TREH: variants seen among roughly 807,000 people sequenced by gnomAD.
TREH encodes the protein trehalase, also known as alpha,alpha-trehalose glucohydrolase.
A neutral mutation model predicts 80.5 loss-of-function variants in TREH; 69 were observed. The observed-to-expected ratio is 0.86, with a 90% CI of 0.71 to 1.05. The LOEUF (loss-of-function observed/expected upper bound fraction) is 1.05. Ranked by LOEUF, TREH falls within the 50% of genes least tolerant of loss-of-function variation. The probability of loss-of-function intolerance (pLI) is 0.00; values close to 1 mark genes in which losing one functional copy is unlikely to be tolerated. For missense variants in TREH, 716 were observed against 718.8 expected (o/e 1.00, Z 0.04); for synonymous variants, 309 against 293.5 (o/e 1.05, Z -0.54).
chr11:118,659,040 C>G, intron 12 of TREH, 23 bp from the exon 13 acceptor site: 1 of 1,609,132 alleles, frequency 6.2e-7, no homozygotes, highest in Non-Finnish European at 8.5e-7. Flanking sequence ...GCAGGCAGGA[C>G]TCAACCTCCA....
intron 13 of TREH, 49 bp downstream of exon 13, chr11:118,658,856 T>G (rs1591826449): frequency 1.2e-6 from 2 of 1,609,106 alleles, no homozygotes; most frequent in South Asian, 1.1e-5. Flanking sequence ...TGCTCAGGAG[T>G]GGCCACTGGG....
chr11:118,658,899 G>T lies in TREH; in HGVS notation c.1545+6C>A. 6.2e-7 allele frequency: 1 copy of T among 1,613,758 alleles called. No individual in the cohort carries two copies. Among genetic ancestry groups the T allele is most frequent in the South Asian group, 1.1e-5 (1 of 91,088 alleles). On this transcript the variant is annotated splice_donor_region_variant and intron_variant, in intron 13 of 14. Coordinates refer to ENST00000264029, the MANE Select transcript of TREH (RefSeq NM_007180.3). The stretch of plus-strand genomic sequence containing the variant: ...GGGGGTGCAGGGAGGGCTTGGGCCA[G>T]CTCACCTTCTCATACATGGCTGACT...
intron 13 of TREH, 22 bp from the exon 14 acceptor site, chr11:118,658,755 G>A (rs1555144070): frequency 1.2e-6 from 2 of 1,609,112 alleles, no homozygotes; most frequent in Non-Finnish European, 1.7e-6. Flanking sequence ...CGGGTGGGCT[G>A]TATGTCAGGT....
intron 1 of TREH, among the ~76,000 whole-genome samples, chr11:118,676,301 C>G (rs1162797026): frequency 6.6e-6 from 1 of 152,188 alleles, no homozygotes; most frequent in Non-Finnish European, 1.5e-5. Flanking sequence ...ATGGCAAAAC[C>G]CCATCTCTAC....
At chr11:118,669,176 T>C (rs1368251493) in intron 1 of TREH, among the ~76,000 whole-genome samples, 1 of 152,176 alleles carries the variant, frequency 6.6e-6, no homozygotes, top group Non-Finnish European at 1.5e-5. Context: ...ATGGCTTTTA[T>C]CCAAAAGCCA....
chr11:118,658,111 C>G lies in TREH; in HGVS notation c.*178G>C. The G allele has an allele frequency of 1.2e-6, 1 of 862,284 alleles. No homozygotes were observed. Among genetic ancestry groups the G allele is most frequent in the East Asian group, 2.7e-5 (1 of 37,360 alleles). The allele number at this position is 862,284 out of a possible 1,614,324, so 53.4% of individuals were successfully genotyped here. ...TCCAGAGCAGGATTTCCACCCTATTCAAGGTTCCAGGAGGGAGCTAGGCCC... is the reference window on the plus strand; with the variant it reads ...TCCAGAGCAGGATTTCCACCCTATTGAAGGTTCCAGGAGGGAGCTAGGCCC... On this transcript the variant is annotated 3_prime_UTR_variant, in exon 15 of 15. Coordinates refer to ENST00000264029, the MANE Select transcript of TREH (RefSeq NM_007180.3).
At chr11:118,659,553 C>T (rs782015297) in intron 11 of TREH, 72 bp from the exon 12 acceptor site, 5 of 1,422,010 alleles carry the variant, frequency 3.5e-6, no homozygotes, top group South Asian at 1.4e-5. Context: ...CGCTGGACCC[C>T]GCGGGAAGCC....
chr11:118,662,219 G>A (rs572215451), intron 4 of TREH, among the ~76,000 whole-genome samples: 7 of 151,656 alleles, frequency 4.6e-5, no homozygotes, highest in South Asian at 2.1e-4. Flanking sequence ...ACTTGGTGCC[G>A]GGTAGAAGAC....
rs1343430845 is a variant in TREH, at chr11:118,659,611, C to CGGTGGCTCT, written c.1320+127_1321-131dup. 3.7e-6 allele frequency: 5 copies of CGGTGGCTCT among 1,353,612 alleles called. No homozygotes were observed. In the African/African-American group the frequency reaches 7.3e-5, roughly 20 times the overall value. 83.9% of individuals were successfully genotyped at this position (1,353,612 alleles called of 1,614,324 possible). A position where few individuals can be genotyped will look rare whatever the true frequency, so the allele number is the denominator to read the frequency against. ...CTTTTCTCGGCTCACAGCTGCCCCC[C>CGGTGGCTCT]GGTGGCTCTGGTGGGACCCGCAGGC... On this transcript the variant is annotated intron_variant, in intron 11 of 14. Coordinates refer to ENST00000264029, the MANE Select transcript of TREH (RefSeq NM_007180.3).
intron 1 of TREH, 76 bp from the exon 2 acceptor site, chr11:118,663,515 T>C (rs1295600309): frequency 8.3e-7 from 1 of 1,203,180 alleles, no homozygotes; most frequent in African/African-American, 1.5e-5. Flanking sequence ...CTAGAGTCTG[T>C]GGTAGACTGG....
At chr11:118,664,345 T>TC (rs2137269668) in intron 1 of TREH, among the ~76,000 whole-genome samples, 1 of 152,350 alleles carries the variant, frequency 6.6e-6, no homozygotes, top group East Asian at 1.9e-4. Flanking sequence ...CATGCTGTTT[T>TC]CCTTGCAGTG....
In TREH at chr11:118,663,051, C is replaced by A. The variant is rs782403674; in HGVS notation, c.335+1G>T. The A allele has an allele frequency of 3.5e-5, 57 of 1,613,272 alleles. No homozygotes were observed. The highest frequency in any genetic ancestry group is 1.6e-4 in the Middle Eastern group (1 of 6,082). On this transcript the variant is annotated splice_donor_variant, in intron 3 of 14. Transcript: ENST00000264029. LOFTEE classifies it high-confidence loss of function. ...CTCTTGTTCCCCTTCCAGAGTCATA[C>A]CTGTCTTTCCAGTCTGCAGGGGTCC...
At chr11:118,669,849 AAG>A (rs1408193954) in intron 1 of TREH, among the ~76,000 whole-genome samples, 1 of 152,196 alleles carries the variant, frequency 6.6e-6, no homozygotes, top group East Asian at 1.9e-4. Flanking sequence ...AAATAACTAA[AAG>A]AGTATAATCA....
chr11:118,673,798 A>G (rs7120027), intron 1 of TREH, among the ~76,000 whole-genome samples: 1,713 of 152,340 alleles, frequency 0.011, 43 homozygotes, highest in African/African-American at 0.039. Flanking sequence ...ACAGTATGCA[A>G]TTCAACCCAC....
chr11:118,663,530 G>A (rs531132018), intron 1 of TREH, 91 bp from the exon 2 acceptor site: 1 of 1,058,446 alleles, frequency 9.4e-7, no homozygotes, highest in Admixed American at 2.1e-5. Context: ...GACTGGTCAA[G>A]GCATGTTCCC....
chr11:118,661,906 C>T lies in TREH; in HGVS notation c.508G>A (p.Val170Ile). The T allele has an allele frequency of 6.4e-7, 1 of 1,556,592 alleles. No individual in the cohort carries two copies. Among genetic ancestry groups the T allele is most frequent in the Non-Finnish European group, 8.7e-7 (1 of 1,149,862 alleles). The change falls in exon 5 of 15, where the codon GTT becomes ATT. Residue 170 changes from valine (V) to isoleucine (I), a missense_variant. Transcript: ENST00000264029. The surrounding 1 kb of genome is among the most constrained non-coding windows in gnomAD (Gnocchi z 4.2). Reference protein sequence around the residue: ...HPFIVPGGRFVEFYYWDSYWV... With the variant: ...HPFIVPGGRFIEFYYWDSYWV... ...GGCGCTCACCAGTAGTAGAACTCAA[C>T]AAAGCGACCGCCAGGCACAATGAAG... is the stretch of plus-strand genomic sequence containing the variant.
At chr11:118,673,969 T>G (rs1949453605) in intron 1 of TREH, among the ~76,000 whole-genome samples, 1 of 152,164 alleles carries the variant, frequency 6.6e-6, no homozygotes, top group Admixed American at 6.5e-5. Flanking sequence ...ATCTAACAAC[T>G]CTTTGAGTGG....
At position 118,671,078 on chromosome 11, in the gene TREH, C is replaced by G. The variant is rs1949425891; in HGVS notation, c.90-7639G>C. ...TAAATGCTTCTCCTTCAGTCCACTC[C>G]CATTCATATAGGGCAGGCTTACATA... On this transcript the variant is annotated intron_variant, in intron 1 of 14. Transcript: ENST00000264029. 3.3e-5 allele frequency among the ~76,000 whole-genome samples: 5 copies of G among 152,110 alleles called. No homozygotes were observed. The South Asian group carries it at 1.0e-3, about 31-fold the overall frequency.
At chr11:118,673,613 C>T (rs1035498266) in intron 1 of TREH, among the ~76,000 whole-genome samples, 1 of 152,138 alleles carries the variant, frequency 6.6e-6, no homozygotes, top group Non-Finnish European at 1.5e-5. Context: ...TGCTTGTTGC[C>T]CCAGTTCCTT....
Sources: gnomAD v4.1 joint callset for allele counts (sites outside exome capture counted in the v4.1 genomes callset) on GRCh38, gnomAD v4.1.1 for gene constraint, Gnocchi (gnomAD v3.1) non-coding constraint, MANE v1.5 for transcripts, NCBI Gene and HGNC (gene_info 2026-07-23, HGNC 2026-07-21) for gene names.